The following PDE11A variants were observed in gnomAD, a reference collection of about 807,000 sequenced individuals.
PDE11A encodes dual 3',5'-cyclic-AMP and -GMP phosphodiesterase 11A.
A neutral mutation model predicts 100.5 loss-of-function variants in PDE11A; 100 were observed. The ratio of observed to expected loss-of-function variants is 1.00; its 90% CI spans 0.85 to 1.18. PDE11A has a LOEUF of 1.18. PDE11A is among the 50% of genes most tolerant of loss of function. The pLI, the probability that PDE11A is intolerant of heterozygous loss-of-function variation, is 0.00. For synonymous variants in PDE11A, 381 were observed against 420.8 expected, an observed-to-expected ratio of 0.91 and a Z score of 1.16; for missense variants, 1,141 against 1,152.6, an observed-to-expected ratio of 0.99 and a Z score of 0.15.
At chr2:178,042,045 T>C (rs572424637) in intron 1 of PDE11A, among the ~76,000 whole-genome samples, 1 of 152,356 alleles carries the variant, frequency 6.6e-6, no homozygotes, top group African/African-American at 2.4e-5. Flanking sequence ...TCCTTTTCTC[T>C]GTTTCTAAAT....
At chr2:177,814,709 A>T (rs555148611) in intron 9 of PDE11A, among the ~76,000 whole-genome samples, 1 of 152,354 alleles carries the variant, frequency 6.6e-6, no homozygotes, top group South Asian at 2.1e-4. Flanking sequence ...CTAAGGACAG[A>T]GGGATCTGAG....
intron 15 of PDE11A, among the ~76,000 whole-genome samples, chr2:177,691,943 C>T (rs1331043772): frequency 6.6e-6 from 1 of 152,110 alleles, no homozygotes; most frequent in Non-Finnish European, 1.5e-5. Flanking sequence ...TAGAAAATAC[C>T]TTTCCTTTCC....
At chr2:177,918,347 C>A (rs1485850163) in intron 2 of PDE11A, among the ~76,000 whole-genome samples, 2 of 152,228 alleles carry the variant, frequency 1.3e-5, no homozygotes, top group African/African-American at 4.8e-5. Context: ...AGAGTCTCAG[C>A]CTGTCCTTTA....
At chr2:177,851,351 A>AC (rs1355236464) in intron 5 of PDE11A, among the ~76,000 whole-genome samples, 2 of 151,942 alleles carry the variant, frequency 1.3e-5, no homozygotes, top group African/African-American at 4.8e-5. Flanking sequence ...ACACTTGGAC[A>AC]CAGGAAGGGG....
At chr2:177,849,748 C>A in intron 5 of PDE11A, among the ~76,000 whole-genome samples, 1 of 150,740 alleles carries the variant, frequency 6.6e-6, no homozygotes. Flanking sequence ...TGAGATCGTG[C>A]CACTGCACTC....
intron 10 of PDE11A, among the ~76,000 whole-genome samples, chr2:177,766,592 C>G (rs2082243412): frequency 6.6e-6 from 1 of 152,186 alleles, no homozygotes; most frequent in Non-Finnish European, 1.5e-5. Flanking sequence ...TATTATTTAG[C>G]TACAATGTTA....
rs540556791 is a variant in PDE11A at position 177,856,497 on chromosome 2, A to G, written c.1368-16114T>C. ...ACTAGACAAAGTATTTAAATGAACT[A>G]TTGTACATACATTCAAAATACTAAA... On this transcript the variant is annotated intron_variant, in intron 5 of 19. Transcript: ENST00000286063. 2.0e-5 allele frequency among the ~76,000 whole-genome samples: 3 copies of G among 152,264 alleles called. No homozygotes were observed. In the South Asian group the frequency reaches 6.2e-4, roughly 32 times the overall value.
chr2:177,924,748 C>CT (rs1245728138), intron 2 of PDE11A, among the ~76,000 whole-genome samples: 3 of 145,132 alleles, frequency 2.1e-5, no homozygotes, highest in Non-Finnish European at 1.5e-5. Context: ...TTTTATTATA[C>CT]TTTAAGTTTT....
intron 2 of PDE11A, among the ~76,000 whole-genome samples, chr2:178,082,165 T>C (rs1352789460): frequency 1.3e-5 from 2 of 152,218 alleles, no homozygotes; most frequent in African/African-American, 2.4e-5. Flanking sequence ...ATTAATAGAA[T>C]TGTGAGTATT....
At chr2:177,861,759 A>T (rs1244113774) in intron 5 of PDE11A, among the ~76,000 whole-genome samples, 2 of 151,914 alleles carry the variant, frequency 1.3e-5, no homozygotes, top group Non-Finnish European at 2.9e-5. Context: ...AGTCTCATAA[A>T]CCTATATATC....
intron 2 of PDE11A, among the ~76,000 whole-genome samples, chr2:177,932,728 G>A (rs1419218403): frequency 2.6e-5 from 4 of 151,762 alleles, no homozygotes; most frequent in East Asian, 1.9e-4. Flanking sequence ...GGCAAAAACT[G>A]GAAGCATTCC....
intron 9 of PDE11A, among the ~76,000 whole-genome samples, chr2:177,803,760 T>C (rs1003725833): frequency 6.6e-6 from 1 of 152,010 alleles, no homozygotes; most frequent in Admixed American, 6.6e-5. Flanking sequence ...CATCCCTTCA[T>C]GATAAAAATT....
In PDE11A at chr2:178,071,636, G is replaced by C. The variant is rs1380766563; in HGVS notation, c.802C>G (p.Pro268Ala). 6.2e-7 allele frequency: 1 copy of C among 1,613,392 alleles called. No individual in the cohort carries two copies. Among genetic ancestry groups the C allele is most frequent in the Non-Finnish European group, 8.5e-7 (1 of 1,179,336 alleles). The stretch of plus-strand genomic sequence containing the variant: ...TTTGAGTTCTCTGTGCTGCTGCAAG[G>C]CAGCAGAGGTGTTCCTGCATGCACA... ...FDVHAGTPLL[P>A]CSSTENSNEV... The change falls in exon 1 of 20, where the codon CCT (proline) becomes GCT (alanine). Residue 268 changes from proline (P) to alanine (A), a missense_variant. Coordinates refer to ENST00000286063, the MANE Select transcript of PDE11A (RefSeq NM_016953.4).
At chr2:178,080,216 C>T (rs1373430303) in intron 2 of PDE11A, among the ~76,000 whole-genome samples, 4 of 152,102 alleles carry the variant, frequency 2.6e-5, no homozygotes, top group Admixed American at 2.0e-4. Context: ...GAAATCTTTG[C>T]CACAGTGCCT....
intron 15 of PDE11A, among the ~76,000 whole-genome samples, chr2:177,682,819 A>G (rs1342148621): frequency 1.3e-5 from 2 of 152,214 alleles, no homozygotes; most frequent in African/African-American, 4.8e-5. Context: ...TCTGAGAAAT[A>G]TGGACGTAGA....
At chr2:177,946,155 G>C (rs1481983071) in intron 2 of PDE11A, among the ~76,000 whole-genome samples, 1 of 107,234 alleles carries the variant, frequency 9.3e-6, no homozygotes, top group Admixed American at 8.6e-5. Flanking sequence ...GGTGAGGGGC[G>C]CCTCTGCCCG....
intron 2 of PDE11A, among the ~76,000 whole-genome samples, chr2:177,970,526 T>C (rs2085756159): frequency 6.6e-6 from 1 of 151,898 alleles, no homozygotes; most frequent in South Asian, 2.1e-4. Context: ...AAGAGAATGA[T>C]GAAACTCAGG....
chr2:178,072,309 A>T lies in PDE11A; in HGVS notation c.129T>A (p.Ser43Arg). Residue 43 changes from serine to arginine, a missense_variant, in exon 1 of 20, where the codon AGT (serine) becomes AGA (arginine). By Grantham distance (110) the Ser-to-Arg change is moderately radical. Coordinates refer to ENST00000286063, the MANE Select transcript of PDE11A (RefSeq NM_016953.4). The part of the protein sequence containing the change: ...EMVEKWLQRH[S>R]QGQGALGPRP... The stretch of plus-strand genomic sequence containing the variant: ...TTGGACCTAAAGCCCCCTGACCCTG[A>T]CTGTGCCTCTGCAGCCACTTTTCAA... The T allele has an allele frequency of 6.2e-7, 1 of 1,614,042 alleles. No individual in the cohort carries two copies. The highest frequency in any genetic ancestry group is 8.5e-7 in the Non-Finnish European group (1 of 1,179,982).
At chr2:177,787,584 G>A (rs57962879) in intron 9 of PDE11A, among the ~76,000 whole-genome samples, 21,526 of 148,650 alleles carry the variant, frequency 0.14, 1,778 homozygotes, top group East Asian at 0.3. Context: ...ATTAAAAGAC[G>A]CAGACTGGCA....
Sources: gnomAD v4.1 joint callset for allele counts (sites outside exome capture counted in the v4.1 genomes callset) on GRCh38, gnomAD v4.1.1 for gene constraint, MANE v1.5 for transcripts, NCBI Gene and HGNC (gene_info 2026-07-23, HGNC 2026-07-21) for gene names.